Variants in INPP5K observed in about 807,000 individuals in gnomAD.
INPP5K encodes inositol polyphosphate-5-phosphatase K.
In INPP5K, 35 loss-of-function variants were observed where a neutral mutation model predicts 53.5. That is an observed-to-expected ratio of 0.65 (90% confidence interval 0.50 to 0.87). The LOEUF (loss-of-function observed/expected upper bound fraction) is 0.87. Ranked by LOEUF, INPP5K falls within the 40% of genes least tolerant of loss-of-function variation. INPP5K has a pLI of 0.00. For synonymous variants in INPP5K, 253 were observed against 232.8 expected (o/e 1.09, Z -0.79); for missense variants, 550 against 586.2 (o/e 0.94, Z 0.64).
rs985610402 is a variant in INPP5K, at chr17:1,495,158, A to G, written c.*665T>C. ...CCAGTTCTCTCTGTCAGGATCTGGA[A>G]CTTCCATGCAGTCAGACTCCATGCC... On this transcript the variant is annotated 3_prime_UTR_variant, in exon 12 of 12. Transcript: ENST00000421807. 2.6e-5 allele frequency: 4 copies of G among 152,224 alleles called. No individual in the cohort carries two copies. Among genetic ancestry groups the G allele is most frequent in the African/African-American group, 7.2e-5 (3 of 41,444 alleles). 9.4% of individuals were successfully genotyped at this position (152,224 alleles called of 1,614,324 possible).
At chr17:1,496,431 T>C in intron 9 of INPP5K, 29 bp from the exon 10 acceptor site, 1 of 1,535,238 alleles carries the variant, frequency 6.5e-7, no homozygotes, top group Non-Finnish European at 8.8e-7. Context: ...CCATCAGTGG[T>C]CAGGGAGGAC....
At position 1,496,655 on chromosome 17, in the gene INPP5K, C is replaced by T; in HGVS notation, c.1101+11G>A. ...GTCGCTGATGGACTTCCTGCCTTGCCACCACATCACCTTGTACAGTCCAAT... is the reference window on the plus strand; with the variant it reads ...GTCGCTGATGGACTTCCTGCCTTGCTACCACATCACCTTGTACAGTCCAAT... On this transcript the variant is annotated intron_variant, in intron 9 of 11. Coordinates refer to ENST00000421807, the MANE Select transcript of INPP5K (RefSeq NM_016532.4). 1.9e-6 allele frequency: 3 copies of T among 1,613,552 alleles called. No individual in the cohort carries two copies. Among genetic ancestry groups the T allele is most frequent in the East Asian group, 2.2e-5 (1 of 44,862 alleles).
Position 1,507,051 on chromosome 17 carries a change from C to G in INPP5K, c.705G>C (p.Glu235Asp). ...GGAAGAGTAGGCGGCCCTCCTGGAA[C>G]TCCCGGAGCAGCGGGTCATGTTTCT... ...IAKKHDPLLREFQEGRLLFPP... is the reference protein window; with the variant it reads ...IAKKHDPLLRDFQEGRLLFPP... The change falls in exon 7 of 12, where the codon GAG (glutamate) becomes GAC (aspartate). Residue 235 changes from glutamate to aspartate, a missense_variant. Coordinates refer to ENST00000421807, the MANE Select transcript of INPP5K (RefSeq NM_016532.4). The G allele has an allele frequency of 6.2e-6, 10 of 1,614,080 alleles. No individual in the cohort carries two copies. The highest frequency in any genetic ancestry group is 5.9e-6 in the Non-Finnish European group (7 of 1,180,004).
At position 1,498,095 on chromosome 17, in the gene INPP5K, G is replaced by A. The variant is rs764965855; in HGVS notation, c.804C>T (p.Thr268=). 8.7e-6 allele frequency: 14 copies of A among 1,611,534 alleles called. No individual in the cohort carries two copies. Among genetic ancestry groups the A allele is most frequent in the South Asian group, 4.4e-5 (4 of 91,004 alleles). ...GCTTCAGCCTCCACAGGATGCGATC[G>A]GTCCATGCAGGCTTGCGTTTTTTCT... The part of the protein sequence containing the change: ...TSEKKRKPAW[T]DRILWRLKRQ... Residue 268 remains threonine (T), a synonymous_variant, in exon 8 of 12, where the codon ACC becomes ACT. Coordinates refer to ENST00000421807, the MANE Select transcript of INPP5K (RefSeq NM_016532.4).
intron 3 of INPP5K, among the ~76,000 whole-genome samples, chr17:1,512,596 G>A (rs527489720): frequency 2.0e-5 from 3 of 152,312 alleles, no homozygotes; most frequent in Admixed American, 1.3e-4. Context: ...ACCAGGTGCT[G>A]TGAATGGGAG....
chr17:1,505,506 T>C (rs2075132979), intron 7 of INPP5K, among the ~76,000 whole-genome samples: 1 of 151,956 alleles, frequency 6.6e-6, no homozygotes, highest in African/African-American at 2.4e-5. Flanking sequence ...GCCTCTTACC[T>C]CCTTTCCTGC....
intron 1 of INPP5K, among the ~76,000 whole-genome samples, chr17:1,514,910 T>G (rs944883471): frequency 2.7e-5 from 4 of 150,778 alleles, no homozygotes; most frequent in Non-Finnish European, 5.9e-5. Context: ...CGAGACTTTT[T>G]TTTTTTTTTT....
chr17:1,497,835 C>T, intron 8 of INPP5K, 101 bp downstream of exon 8: 1 of 1,101,382 alleles, frequency 9.1e-7, no homozygotes, highest in Non-Finnish European at 1.3e-6. Context: ...ACAGGTCTCC[C>T]CTGGGGGACT....
rs1259647471 is a variant in INPP5K at position 1,494,597 on chromosome 17, AC to A, written c.*1225del. On this transcript the variant is annotated 3_prime_UTR_variant, in exon 12 of 12. Transcript: ENST00000421807. The stretch of plus-strand genomic sequence containing the variant: ...AAGTGTAAAAGCCACGCTAATAATT[AC>A]CCCTGCACAATGTAACAGTCACAAA... 7 of 151,822 alleles carry A rather than the reference AC, an allele frequency of 4.6e-5. No homozygotes were observed. Among genetic ancestry groups the A allele is most frequent in the African/African-American group, 1.7e-4 (7 of 41,288 alleles). 9.4% of individuals were successfully genotyped at this position (151,822 alleles called of 1,614,324 possible).
rs61733756 is a variant in INPP5K, at chr17:1,507,024, C to G, written c.732G>C (p.Pro244=). The G allele has an allele frequency of 5.3e-4, 848 of 1,613,952 alleles. No individual in the cohort carries two copies. Among genetic ancestry groups the G allele is most frequent in the Non-Finnish European group, 6.5e-4 (762 of 1,179,934 alleles). Reference sequence around the variant, plus strand: ...AGTTCCTATCAAACTTGTAGGTGGGCGGGAAGAGTAGGCGGCCCTCCTGGA... The same window carrying G: ...AGTTCCTATCAAACTTGTAGGTGGGGGGGAAGAGTAGGCGGCCCTCCTGGA... ...REFQEGRLLF[P]PTYKFDRNSN... is the part of the protein sequence containing the mutation. Residue 244 remains proline, a synonymous_variant, in exon 7 of 12, where the codon CCG becomes CCC. Transcript: ENST00000421807.
chr17:1,516,350 C>A, intron 1 of INPP5K, 106 bp downstream of exon 1: 2 of 1,272,456 alleles, frequency 1.6e-6, no homozygotes, highest in Non-Finnish European at 2.2e-6. Context: ...CGCCTCTGAA[C>A]CAAAGGCAGT....
intron 7 of INPP5K, among the ~76,000 whole-genome samples, chr17:1,505,142 A>AT (rs937838025): frequency 9.9e-4 from 146 of 147,694 alleles, no homozygotes; most frequent in African/African-American, 2.4e-3. Context: ...TTTAAAGAGG[A>AT]TTTTTTTTTT....
chr17:1,497,646 C>T (rs1028702680), intron 8 of INPP5K: 2 of 276,516 alleles, frequency 7.2e-6, no homozygotes, highest in Non-Finnish European at 1.4e-5. Context: ...AAAAGAAGTC[C>T]TACTTCTCAC....
rs74437970 is a variant in INPP5K, at chr17:1,508,258, T to C, written c.555-32A>G. The C allele has an allele frequency of 0.022, 34,625 of 1,541,528 alleles. 650 individuals are homozygous for C. The highest frequency in any genetic ancestry group is 0.04 in the South Asian group (3,541 of 89,580). On this transcript the variant is annotated intron_variant, in intron 5 of 11. Coordinates refer to ENST00000421807, the MANE Select transcript of INPP5K (RefSeq NM_016532.4). Reference sequence around the variant, plus strand: ...AAAAAAAGGAGGGCAGCCTGAGGATTTGTGATGAAGTCGGGGAAGGGAGAT... The same window carrying C: ...AAAAAAAGGAGGGCAGCCTGAGGATCTGTGATGAAGTCGGGGAAGGGAGAT...
At chr17:1,505,984 T>G (rs2075145736) in intron 7 of INPP5K, among the ~76,000 whole-genome samples, 1 of 152,164 alleles carries the variant, frequency 6.6e-6, no homozygotes, top group Non-Finnish European at 1.5e-5. Context: ...CTTAGAAAGG[T>G]TTTTAGTAAA....
intron 7 of INPP5K, among the ~76,000 whole-genome samples, chr17:1,502,193 C>G (rs549431487): frequency 3.3e-5 from 5 of 150,494 alleles, no homozygotes; most frequent in African/African-American, 1.2e-4. Flanking sequence ...ACTAAAAATA[C>G]AAAAAATTAG....
chr17:1,510,079 G>A (rs2075272564), intron 3 of INPP5K, among the ~76,000 whole-genome samples: 1 of 152,260 alleles, frequency 6.6e-6, no homozygotes, highest in South Asian at 2.1e-4. Flanking sequence ...TTTGAAGTTA[G>A]ATCTGGGTTC....
intron 5 of INPP5K, chr17:1,508,498 A>C: frequency 2.3e-6 from 1 of 434,660 alleles, no homozygotes; most frequent in Non-Finnish European, 4.2e-6. Context: ...TCACGAGGAA[A>C]GGCTGAGAAG....
In INPP5K at chr17:1,513,438, G is replaced by A; in HGVS notation, c.261+15C>T. 7.5e-6 allele frequency: 12 copies of A among 1,597,620 alleles called. No homozygotes were observed. The highest frequency in any genetic ancestry group is 1.0e-5 in the Non-Finnish European group (12 of 1,165,026). ...GAAAACACAGTTGTCAAGTGCCAAT[G>A]AACTGGCAAGTTACCTTGATGAAGC... is the stretch of plus-strand genomic sequence containing the variant. On this transcript the variant is annotated intron_variant, in intron 3 of 11. Transcript: ENST00000421807.
Sources: allele counts gnomAD v4.1 joint callset (sites outside exome capture counted in the v4.1 genomes callset), GRCh38; gene constraint gnomAD v4.1.1; transcripts MANE v1.5; gene names NCBI Gene and HGNC (gene_info 2026-07-23, HGNC 2026-07-21).